RELCH: variants seen among roughly 807,000 people sequenced by gnomAD.
RELCH encodes RAB11 binding and LisH domain, coiled-coil and HEAT repeat containing.
Under a neutral mutation model 150.3 loss-of-function variants are expected in RELCH, and 41 were observed. The ratio of observed to expected loss-of-function variants is 0.27; its 90% confidence interval spans 0.21 to 0.35. RELCH has a LOEUF of 0.35. Ranked by LOEUF, RELCH falls within the 10% of genes least tolerant of loss-of-function variation. The pLI, the probability that RELCH is intolerant of heterozygous loss-of-function variation, is 1.00. For synonymous variants in RELCH, 478 were observed against 531.8 expected (o/e 0.90, Z 1.39); for missense variants, 1,092 against 1,467.8 (o/e 0.74, Z 4.18).
rs113652447 is a variant in RELCH at position 62,297,239 on chromosome 18, C to G, written c.3460-1551C>G. On this transcript the variant is annotated intron_variant, in intron 27 of 28. Transcript: ENST00000644646. ...TCATTACCCTTCAAATGCTGGCTGT[C>G]AGGTTTATACCTACAGGAGAAAAAA... Among the ~76,000 whole-genome samples, 1,100 of 152,222 alleles carry G rather than the reference C, an allele frequency of 7.2e-3. 9 individuals carry two copies. Among genetic ancestry groups the G allele is most frequent in the Non-Finnish European group, 8.8e-3 (601 of 68,010 alleles).
intron 20 of RELCH, among the ~76,000 whole-genome samples, chr18:62,271,500 T>C (rs2043900876): frequency 6.6e-6 from 1 of 151,400 alleles, no homozygotes; most frequent in Non-Finnish European, 1.5e-5. Context: ...CTTTGTCAGA[T>C]GAGTAGATTG....
At position 62,187,325 on chromosome 18, in the gene RELCH, A is replaced by G. The variant is rs2038169910; in HGVS notation, c.-181A>G. On this transcript the variant is annotated 5_prime_UTR_variant, in exon 1 of 29. Transcript: ENST00000644646. ...CTGCTGGTGCAGCAGAGGCTGAGGCATCAGGTGCAGCTGCATCCGGATCTC... is the reference window on the plus strand; with the variant it reads ...CTGCTGGTGCAGCAGAGGCTGAGGCGTCAGGTGCAGCTGCATCCGGATCTC... 4.2e-6 allele frequency: 2 copies of G among 479,848 alleles called. No homozygotes were observed. The highest frequency in any genetic ancestry group is 7.1e-5 in the Admixed American group (2 of 28,030). The allele number at this position is 479,848 out of a possible 1,614,324, so 29.7% of individuals were successfully genotyped here. A position where few individuals can be genotyped will look rare whatever the true frequency, so the allele number is the denominator to read the frequency against.
intron 15 of RELCH, among the ~76,000 whole-genome samples, chr18:62,259,484 G>A (rs1014623311): frequency 6.6e-6 from 1 of 150,946 alleles, no homozygotes; most frequent in African/African-American, 2.4e-5. Flanking sequence ...AAATTGAAGA[G>A]GAAATGTTAA....
At chr18:62,232,801 T>C (rs1350282634) in intron 10 of RELCH, among the ~76,000 whole-genome samples, 2 of 152,146 alleles carry the variant, frequency 1.3e-5, no homozygotes, top group South Asian at 2.1e-4. Context: ...ACTCTTTGTA[T>C]TGAAAATTAA....
At chr18:62,265,407 A>T (rs1164438696) in intron 18 of RELCH, among the ~76,000 whole-genome samples, 1 of 152,064 alleles carries the variant, frequency 6.6e-6, no homozygotes, top group Non-Finnish European at 1.5e-5. Context: ...AAATATTAAC[A>T]TTGGAATGTC....
chr18:62,279,969 G>A (rs2044417565), intron 23 of RELCH, 113 bp downstream of exon 23: 1 of 672,020 alleles, frequency 1.5e-6, no homozygotes, highest in Non-Finnish European at 2.5e-6. Context: ...AATAATACTG[G>A]ATTATGCTTA....
At chr18:62,273,033 T>C (rs985583504) in intron 20 of RELCH, among the ~76,000 whole-genome samples, 1 of 149,312 alleles carries the variant, frequency 6.7e-6, no homozygotes, top group Admixed American at 6.6e-5. Context: ...CCTGATTATG[T>C]AGCAAAAAAA....
At position 62,264,830 on chromosome 18, in the gene RELCH, G is replaced by A; in HGVS notation, c.2609G>A (p.Gly870Asp). 6.2e-7 allele frequency: 1 copy of A among 1,607,444 alleles called. No homozygotes were observed. The highest frequency in any genetic ancestry group is 8.5e-7 in the Non-Finnish European group (1 of 1,177,160). Reference sequence around the variant, plus strand: ...TTCTGGCGCCTTTGCCGGACATTTGGCAAAATTTTTACAAACACTAAGGTA... The same window carrying A: ...TTCTGGCGCCTTTGCCGGACATTTGACAAAATTTTTACAAACACTAAGGTA... ...RFFWRLCRTF[G>D]KIFTNTKVKP... The change falls in exon 18 of 29, where the codon GGC becomes GAC. Residue 870 changes from glycine to aspartate, a missense_variant. Physicochemically the swap from Gly to Asp is moderately conservative, Grantham distance 94. Coordinates refer to ENST00000644646, the MANE Select transcript of RELCH (RefSeq NM_001346231.2).
chr18:62,255,313 ATTCTT>A, intron 12 of RELCH, 89 bp from the exon 13 acceptor site: 3 of 883,514 alleles, frequency 3.4e-6, no homozygotes, highest in Non-Finnish European at 5.6e-6. Context: ...GCTTTATTGC[ATTCTT>A]AACAGGATTT....
Position 62,189,269 on chromosome 18 carries a change from T to TG in RELCH, c.526+1238_526+1239insG, listed in dbSNP as rs1555707707. Among the ~76,000 whole-genome samples, 233 of 140,962 alleles carry TG rather than the reference T, an allele frequency of 1.7e-3. 1 individual carries two copies. The highest frequency in any genetic ancestry group is 0.014 in the Middle Eastern group (4 of 288). 92.5% of individuals were successfully genotyped at this position (140,962 alleles called of 152,430 possible). A position where few individuals can be genotyped will look rare whatever the true frequency, so the allele number is the denominator to read the frequency against. On this transcript the variant is annotated intron_variant, in intron 1 of 28. Coordinates refer to ENST00000644646, the MANE Select transcript of RELCH (RefSeq NM_001346231.2). ...GGTGGGTCTTTTTTTGTTTTTTTTT[T>TG]TTGTTGTTTTTTTTTTTTGGTTTTT... is the stretch of plus-strand genomic sequence containing the variant.
At chr18:62,231,737 C>T (rs2041593060) in intron 9 of RELCH, among the ~76,000 whole-genome samples, 1 of 151,828 alleles carries the variant, frequency 6.6e-6, no homozygotes, top group Admixed American at 6.6e-5. Flanking sequence ...TTTATTATTA[C>T]TGTTTTTTCT....
rs929756502 is a variant in RELCH, at chr18:62,305,208, C to G, written c.3531-206C>G. ...GTCCAGTCCCAGACTTGTTCCTAAC[C>G]ACTACACATACTGCTTCCTTTACTA... is the stretch of plus-strand genomic sequence containing the variant. On this transcript the variant is annotated intron_variant, in intron 28 of 28. Coordinates refer to ENST00000644646, the MANE Select transcript of RELCH (RefSeq NM_001346231.2). This position sits in a 1 kb window ranked among gnomAD's most constrained non-coding sequence, Gnocchi z 4.0. 6.6e-6 allele frequency among the ~76,000 whole-genome samples: 1 copy of G among 152,168 alleles called. No individual in the cohort carries two copies. Among genetic ancestry groups the G allele is most frequent in the Admixed American group, 6.5e-5 (1 of 15,276 alleles).
At position 62,227,302 on chromosome 18, in the gene RELCH, G is replaced by A; in HGVS notation, c.872G>A (p.Trp291Ter). The A allele has an allele frequency of 1.3e-6, 2 of 1,578,350 alleles. No individual in the cohort carries two copies. The highest frequency in any genetic ancestry group is 1.7e-6 in the Non-Finnish European group (2 of 1,158,184). ...DENDDQDFEL[W>*]DDVGLNIPKP... ...TTTATCTTTTAGGATTTTGAATTAT[G>A]GGATGATGTAGGATTAAACATTCCA... The change falls in exon 6 of 29, where the codon TGG becomes TAG. Residue 291 changes from tryptophan (W) to a stop codon, truncating the protein, a stop_gained. Coordinates refer to ENST00000644646, the MANE Select transcript of RELCH (RefSeq NM_001346231.2). LOFTEE classifies it high-confidence loss of function.
rs142571663 is a variant in RELCH, at chr18:62,245,571, G to A, written c.1733+695G>A. On this transcript the variant is annotated intron_variant, in intron 11 of 28. Coordinates refer to ENST00000644646, the MANE Select transcript of RELCH (RefSeq NM_001346231.2). ...AACCCAAGAGGCAGAGGTTGCAAAT[G>A]AGCCAAGAACATGCCATTGCACTCC... Among the ~76,000 whole-genome samples, 315 of 152,208 alleles carry A rather than the reference G, an allele frequency of 2.1e-3. 4 individuals are homozygous for A. The highest frequency in any genetic ancestry group is 7.3e-3 in the African/African-American group (305 of 41,538).
At chr18:62,233,950 T>A (rs2041735213) in intron 10 of RELCH, among the ~76,000 whole-genome samples, 1 of 151,954 alleles carries the variant, frequency 6.6e-6, no homozygotes, top group Non-Finnish European at 1.5e-5. Context: ...TATAACTAAT[T>A]TGTGGTATGA....
At position 62,228,496 on chromosome 18, in the gene RELCH, C is replaced by G; in HGVS notation, c.1346C>G (p.Pro449Arg). ...SISDEADSTI[P>R]KENSPNSFPR... The stretch of plus-strand genomic sequence containing the variant: ...TCAGATGAAGCTGATTCCACTATTC[C>G]TAAAGAGAATTCCCCAAATTCATTC... Residue 449 changes from proline (P) to arginine (R), a missense_variant, in exon 8 of 29, where the codon CCT becomes CGT. Pro to Arg is a moderately radical substitution (Grantham distance 103). Transcript: ENST00000644646. 6.2e-7 allele frequency: 1 copy of G among 1,613,156 alleles called. No individual in the cohort carries two copies. Among genetic ancestry groups the G allele is most frequent in the Non-Finnish European group, 8.5e-7 (1 of 1,179,538 alleles).
intron 18 of RELCH, among the ~76,000 whole-genome samples, chr18:62,266,057 AGC>A (rs1188588670): frequency 5.3e-5 from 8 of 151,832 alleles, no homozygotes. Flanking sequence ...TTTTTAGAAA[AGC>A]AAGTAGGAAT....
chr18:62,247,922 T>C (rs911134627), intron 11 of RELCH, among the ~76,000 whole-genome samples: 2 of 152,158 alleles, frequency 1.3e-5, no homozygotes, highest in Non-Finnish European at 2.9e-5. Context: ...GCCCAAACTT[T>C]TGTGGTTTCA....
Position 62,212,824 on chromosome 18 carries a change from C to T in RELCH, c.616+1582C>T, listed in dbSNP as rs1309820760. Among the ~76,000 whole-genome samples the T allele has an allele frequency of 2.0e-5, 3 of 152,058 alleles. No individual in the cohort carries two copies. In the East Asian group the frequency reaches 5.8e-4, roughly 29 times the overall value. On this transcript the variant is annotated intron_variant, in intron 2 of 28. Transcript: ENST00000644646. Reference sequence around the variant, plus strand: ...GTTTGATCTAATTTAAAATGTCATTCCAATAAATGATTTTCATTCCTTGCT... The same window carrying T: ...GTTTGATCTAATTTAAAATGTCATTTCAATAAATGATTTTCATTCCTTGCT...
Sources: gnomAD v4.1 joint callset for allele counts (sites outside exome capture counted in the v4.1 genomes callset) on GRCh38, gnomAD v4.1.1 for gene constraint, Gnocchi (gnomAD v3.1) non-coding constraint, MANE v1.5 for transcripts, NCBI Gene and HGNC (gene_info 2026-07-23, HGNC 2026-07-21) for gene names.